ARID4B: variants seen among roughly 807,000 people sequenced by gnomAD.
ARID4B encodes AT-rich interactive domain-containing protein 4B.
In ARID4B, 26 loss-of-function variants were observed where a neutral mutation model predicts 147.5. The ratio of observed to expected loss-of-function variants is 0.18; its 90% CI spans 0.13 to 0.24. The LOEUF (loss-of-function observed/expected upper bound fraction) is 0.24, where lower values mean the gene tolerates loss of function less well. ARID4B is among the 10% of genes least tolerant of loss of function. The probability of loss-of-function intolerance (pLI) is 1.00; values close to 1 mark genes in which losing one functional copy is unlikely to be tolerated. For missense variants in ARID4B, 1,179 were observed against 1,511.5 expected, an observed-to-expected ratio of 0.78 and a Z score of 3.65; for synonymous variants, 512 against 507.9, an observed-to-expected ratio of 1.01 and a Z score of -0.11.
intron 16 of ARID4B, among the ~76,000 whole-genome samples, chr1:235,218,563 C>G (rs1234459614): frequency 6.6e-6 from 1 of 152,040 alleles, no homozygotes; most frequent in Non-Finnish European, 1.5e-5. Context: ...AATCAACAAA[C>G]ACTTTTACTA....
At chr1:235,296,832 A>AGGAAGGGG (rs1672762668) in intron 2 of ARID4B, among the ~76,000 whole-genome samples, 1 of 19,134 alleles carries the variant, frequency 5.2e-5, no homozygotes, top group Non-Finnish European at 1.2e-4. Context: ...GAAGGAAGGA[A>AGGAAGGGG]GGAAGGGAGG....
chr1:235,185,611 C>T (rs1052426509), intron 19 of ARID4B, among the ~76,000 whole-genome samples: 1 of 152,118 alleles, frequency 6.6e-6, no homozygotes, highest in Non-Finnish European at 1.5e-5. Flanking sequence ...TAGAGCTCAT[C>T]GAGTAGTTTC....
At chr1:235,235,765 T>C (rs1047425123) in intron 8 of ARID4B, among the ~76,000 whole-genome samples, 2 of 152,020 alleles carry the variant, frequency 1.3e-5, no homozygotes, top group African/African-American at 2.4e-5. Context: ...AATCTAAGAT[T>C]TCCCCCTCTT....
chr1:235,181,649 T>C lies in ARID4B; in HGVS notation c.3270A>G (p.Ala1090=). The C allele has an allele frequency of 6.2e-7, 1 of 1,614,066 alleles. No homozygotes were observed. Among genetic ancestry groups the C allele is most frequent in the Non-Finnish European group, 8.5e-7 (1 of 1,180,024 alleles). The change falls in exon 20 of 24, where the codon GCA becomes GCG. Residue 1090 remains alanine, a synonymous_variant. Transcript: ENST00000264183. The stretch of plus-strand genomic sequence containing the variant: ...TTGAGCTCACACTGGCATCAAAACC[T>C]GCTGGCGAGCTATTCCCTTCAGACT... ...DLQSEGNSSP[A]GFDASVSSSS...
intron 2 of ARID4B, among the ~76,000 whole-genome samples, chr1:235,302,277 GA>G (rs1673231721): frequency 9.0e-6 from 1 of 111,196 alleles, no homozygotes; most frequent in Admixed American, 9.8e-5. Context: ...GGAGGGAGGG[GA>G]GGAAGGAAGG....
chr1:235,203,910 T>C (rs1391149180), intron 17 of ARID4B, among the ~76,000 whole-genome samples: 3 of 152,214 alleles, frequency 2.0e-5, no homozygotes, highest in Non-Finnish European at 4.4e-5. Context: ...AATCTCAATT[T>C]ATATGTATTT....
chr1:235,254,332 G>C (rs1669818738), intron 5 of ARID4B, among the ~76,000 whole-genome samples: 2 of 151,962 alleles, frequency 1.3e-5, no homozygotes, highest in Non-Finnish European at 2.9e-5. Context: ...TCATTAAATG[G>C]TAAGAATTGT....
chr1:235,272,899 C>T (rs1326789577), intron 2 of ARID4B, among the ~76,000 whole-genome samples: 2 of 151,952 alleles, frequency 1.3e-5, no homozygotes, highest in African/African-American at 4.8e-5. Flanking sequence ...AGAAGCAGTT[C>T]AAGAATAGGT....
intron 17 of ARID4B, among the ~76,000 whole-genome samples, chr1:235,201,898 A>C (rs1665958808): frequency 6.8e-6 from 1 of 147,566 alleles, no homozygotes; most frequent in Non-Finnish European, 1.5e-5. Flanking sequence ...AAATATGTAA[A>C]ATAAAATAAA....
chr1:235,255,254 GATAGATAGAT>G (rs1282551422), intron 5 of ARID4B, among the ~76,000 whole-genome samples: 4 of 93,836 alleles, frequency 4.3e-5, no homozygotes, highest in Non-Finnish European at 7.3e-5. Context: ...TAGATAGATA[GATAGATAGAT>G]ATATATCTCT....
intron 16 of ARID4B, among the ~76,000 whole-genome samples, chr1:235,215,745 G>A (rs988387141): frequency 1.2e-4 from 18 of 151,752 alleles, no homozygotes; most frequent in African/African-American, 4.1e-4. Flanking sequence ...ACCACACCCA[G>A]ATAGTTTTTT....
intron 9 of ARID4B, among the ~76,000 whole-genome samples, chr1:235,231,663 T>C (rs1668244484): frequency 6.6e-6 from 1 of 152,180 alleles, no homozygotes; most frequent in Non-Finnish European, 1.5e-5. Context: ...AATTTTTGTA[T>C]TTTTAGTAGA....
At chr1:235,168,710 C>T in intron 23 of ARID4B, 58 bp from the exon 24 acceptor site, 1 of 1,553,938 alleles carries the variant, frequency 6.4e-7, no homozygotes, top group South Asian at 1.2e-5. Flanking sequence ...TAACAATAGA[C>T]AGAAAATACT....
rs1051290513 is a variant in ARID4B, at chr1:235,280,028, A to G, written c.7-19276T>C. ...CTTGTAATAAATCGCAGCCGTAAAC[A>G]TGACTAATACAATACACTGAGTCCT... On this transcript the variant is annotated intron_variant, in intron 2 of 23. Transcript: ENST00000264183. 3.9e-5 allele frequency among the ~76,000 whole-genome samples: 6 copies of G among 152,206 alleles called. No homozygotes were observed. The South Asian group carries it at 1.2e-3, about 32-fold the overall frequency.
rs528284497 is a variant in ARID4B, at chr1:235,201,377, G to C, written c.1842-5262C>G. On this transcript the variant is annotated intron_variant, in intron 17 of 23. Coordinates refer to ENST00000264183, the MANE Select transcript of ARID4B (RefSeq NM_016374.6). Reference sequence around the variant, plus strand: ...TACAGAGTCTCTGTTGCTCAGACTGGAGTGCGGTAGCGCCATCCTGGCTCA... The same window carrying C: ...TACAGAGTCTCTGTTGCTCAGACTGCAGTGCGGTAGCGCCATCCTGGCTCA... Among the ~76,000 whole-genome samples the C allele has an allele frequency of 1.1e-3, 171 of 151,826 alleles. 1 individual carries two copies. The highest frequency in any genetic ancestry group is 4.1e-3 in the African/African-American group (168 of 41,400).
At chr1:235,171,206 C>A (rs551160376) in intron 23 of ARID4B, among the ~76,000 whole-genome samples, 1 of 152,094 alleles carries the variant, frequency 6.6e-6, no homozygotes, top group East Asian at 1.9e-4. Context: ...CTGAAGCAGG[C>A]GGATCACGAA....
intron 2 of ARID4B, among the ~76,000 whole-genome samples, chr1:235,271,415 C>G (rs1026865480): frequency 3.3e-5 from 5 of 151,396 alleles, no homozygotes; most frequent in African/African-American, 1.2e-4. Flanking sequence ...GGATCATCTG[C>G]AGTCAGGAGT....
At chr1:235,294,604 T>C (rs543493579) in intron 2 of ARID4B, among the ~76,000 whole-genome samples, 39 of 132,458 alleles carry the variant, frequency 2.9e-4, no homozygotes, top group African/African-American at 9.8e-4. Context: ...GTTCAAGCAA[T>C]TCTCCCGCTT....
intron 7 of ARID4B, among the ~76,000 whole-genome samples, chr1:235,244,287 T>C (rs1005084553): frequency 1.3e-5 from 2 of 152,314 alleles, no homozygotes; most frequent in African/African-American, 4.8e-5. Flanking sequence ...TTTCCTATTG[T>C]AGCAGTTGCA....
Sources: gnomAD v4.1 joint callset for allele counts (sites outside exome capture counted in the v4.1 genomes callset) on GRCh38, gnomAD v4.1.1 for gene constraint, MANE v1.5 for transcripts, NCBI Gene and HGNC (gene_info 2026-07-23, HGNC 2026-07-21) for gene names.